PCDHA2: variants seen among roughly 807,000 people sequenced by gnomAD.
PCDHA2 encodes protocadherin alpha-2.
Under a neutral mutation model 66.0 loss-of-function variants are expected in PCDHA2, and 58 were observed. That is an observed-to-expected ratio of 0.88 (90% CI 0.71 to 1.09). PCDHA2 has a LOEUF of 1.09. PCDHA2 is among the 50% of genes least tolerant of loss of function. PCDHA2 has a pLI of 0.00. For synonymous variants in PCDHA2, 634 were observed against 554.0 expected, an observed-to-expected ratio of 1.14 and a Z score of -2.03; for missense variants, 1,267 against 1,242.3, an observed-to-expected ratio of 1.02 and a Z score of -0.30.
intron 1 of PCDHA2, chr5:140,927,597 C>T (rs781933372): frequency 1.2e-6 from 2 of 1,614,200 alleles, no homozygotes; most frequent in South Asian, 1.1e-5. Context: ...TATTTGAGCG[C>T]TCCGTATACC....
At chr5:140,990,780 G>A (rs900658402) in intron 3 of PCDHA2, among the ~76,000 whole-genome samples, 20 of 152,192 alleles carry the variant, frequency 1.3e-4, no homozygotes, top group African/African-American at 4.8e-4. Flanking sequence ...CTCTGTGTTG[G>A]ACGATGAACC....
intron 1 of PCDHA2, among the ~76,000 whole-genome samples, chr5:140,975,809 TA>T (rs146252033): frequency 0.06 from 9,090 of 152,310 alleles, 381 homozygotes; most frequent in East Asian, 0.11. Context: ...TTTATAATTT[TA>T]ATAGGAACTG....
chr5:140,858,839 C>G (rs1306924023), intron 1 of PCDHA2: 1 of 317,040 alleles, frequency 3.2e-6, no homozygotes, highest in Non-Finnish European at 5.9e-6. Context: ...CCAAAAAATT[C>G]CACTGATCTA....
chr5:140,880,707 G>A (rs1017608107), intron 1 of PCDHA2, among the ~76,000 whole-genome samples: 2 of 152,180 alleles, frequency 1.3e-5, no homozygotes, highest in East Asian at 3.8e-4. Context: ...TGACAATGTT[G>A]AGCAGCTTAA....
At chr5:140,941,247 C>CT (rs1398354432) in intron 1 of PCDHA2, among the ~76,000 whole-genome samples, 1 of 128,506 alleles carries the variant, frequency 7.8e-6, no homozygotes, top group African/African-American at 2.9e-5. Context: ...TTCTTTCTTT[C>CT]TTTCTTTCTC....
intron 1 of PCDHA2, chr5:140,853,353 C>T: frequency 1.0e-6 from 1 of 981,690 alleles, no homozygotes; most frequent in Non-Finnish European, 1.2e-6. Context: ...AACATGAACT[C>T]ACAGGGATCC....
At chr5:140,848,405 C>A in intron 1 of PCDHA2, 12 of 1,329,950 alleles carry the variant, frequency 9.0e-6, no homozygotes, top group Non-Finnish European at 1.3e-5. Flanking sequence ...TGAACGATGG[C>A]GAACACAGCA....
At chr5:140,862,755 C>A in intron 1 of PCDHA2, 1 of 577,344 alleles carries the variant, frequency 1.7e-6, no homozygotes, top group South Asian at 1.4e-5. Context: ...ACGCGGAGAG[C>A]GGCAAGAGGT....
chr5:140,958,810 G>C (rs2095443726), intron 1 of PCDHA2, among the ~76,000 whole-genome samples: 1 of 151,988 alleles, frequency 6.6e-6, no homozygotes, highest in African/African-American at 2.4e-5. Flanking sequence ...ACACCATTCT[G>C]TTTTAATTTT....
chr5:140,964,079 G>A (rs1209152794), intron 1 of PCDHA2, among the ~76,000 whole-genome samples: 3 of 152,178 alleles, frequency 2.0e-5, no homozygotes, highest in African/African-American at 7.2e-5. Flanking sequence ...GTTAATATTT[G>A]TAGAAAGGGT....
At chr5:140,817,376 AT>A (rs1453715792) in intron 1 of PCDHA2, 10 of 152,282 alleles carry the variant, frequency 6.6e-5, no homozygotes, top group Admixed American at 6.5e-4. Flanking sequence ...TTCGGCACTT[AT>A]CACCATGGGA....
chr5:140,809,630 T>C, intron 1 of PCDHA2: 1 of 1,506,410 alleles, frequency 6.6e-7, no homozygotes, highest in Non-Finnish European at 8.9e-7. Context: ...ATCAACTTCT[T>C]CGTAAATTTA....
intron 1 of PCDHA2, among the ~76,000 whole-genome samples, chr5:140,926,202 G>T (rs1194252332): frequency 6.6e-6 from 1 of 151,658 alleles, no homozygotes; most frequent in East Asian, 1.9e-4. Flanking sequence ...TTCTTTCGGG[G>T]GGCTCCTGTT....
intron 1 of PCDHA2, among the ~76,000 whole-genome samples, chr5:140,906,808 C>A (rs902394073): frequency 6.6e-6 from 1 of 152,214 alleles, no homozygotes; most frequent in Non-Finnish European, 1.5e-5. Flanking sequence ...CTCTTCCTTA[C>A]CTCCACTGTG....
chr5:140,849,959 C>A (rs527334652), intron 1 of PCDHA2: 1 of 1,597,764 alleles, frequency 6.3e-7, no homozygotes, highest in African/African-American at 1.3e-5. Flanking sequence ...AGGAGAACGC[C>A]CTGGTGTCCT....
chr5:140,968,107 G>A (rs200195064), intron 1 of PCDHA2: 58 of 1,613,992 alleles, frequency 3.6e-5, no homozygotes, highest in African/African-American at 5.3e-5. Context: ...GGGGAATACC[G>A]CAGCTCACAT....
rs782513442 is a variant in PCDHA2 at position 140,877,300 on chromosome 5, G to C, written c.2388+79948G>C. 7 of 1,613,828 alleles carry C rather than the reference G, an allele frequency of 4.3e-6. No homozygotes were observed. The South Asian group carries it at 4.4e-5, about 10-fold the overall frequency. Reference sequence around the variant, plus strand: ...CGGCTATAACGCTTGGCTGTCCTACGAGTTGCAACCGGCGGCGGTCGGCGC... The same window carrying C: ...CGGCTATAACGCTTGGCTGTCCTACCAGTTGCAACCGGCGGCGGTCGGCGC... On this transcript the variant is annotated intron_variant, in intron 1 of 3. Transcript: ENST00000526136.
Position 140,881,024 on chromosome 5 carries a change from A to G in PCDHA2, c.2388+83672A>G, listed in dbSNP as rs1330072249. Among the ~76,000 whole-genome samples the G allele has an allele frequency of 1.1e-4, 17 of 152,246 alleles. 1 individual carries two copies. Among genetic ancestry groups the G allele is most frequent in the Admixed American group, 5.2e-4 (8 of 15,290 alleles). ...GAGCAGAGCTATGGAAATAAACCCA[A>G]CAGTCATTTCCTATAGAGTTGTGCA... On this transcript the variant is annotated intron_variant, in intron 1 of 3. Coordinates refer to ENST00000526136, the MANE Select transcript of PCDHA2 (RefSeq NM_018905.3).
At chr5:140,914,339 C>T (rs1554196289) in intron 1 of PCDHA2, among the ~76,000 whole-genome samples, 1 of 152,130 alleles carries the variant, frequency 6.6e-6, no homozygotes, top group East Asian at 1.9e-4. Flanking sequence ...CCTTCTTTGT[C>T]TCTTTTTGGA....
Sources: allele counts gnomAD v4.1 joint callset (sites outside exome capture counted in the v4.1 genomes callset), GRCh38; gene constraint gnomAD v4.1.1; transcripts MANE v1.5; gene names NCBI Gene and HGNC (gene_info 2026-07-23, HGNC 2026-07-21).